DNLZ: variants seen among roughly 807,000 people sequenced by gnomAD.
The protein encoded by DNLZ is DNL-type zinc finger protein.
A neutral mutation model predicts 7.8 loss-of-function variants in DNLZ; 15 were observed. That is an observed-to-expected ratio of 1.91 (90% CI 1.28 to 2.95). DNLZ has a LOEUF of 2.95. Ranked by LOEUF, DNLZ falls within the 30% of genes most tolerant of loss-of-function variation. The pLI is 0.00. For synonymous variants in DNLZ, 123 were observed against 77.8 expected, an observed-to-expected ratio of 1.58 and a Z score of -3.05; for missense variants, 255 against 167.3, an observed-to-expected ratio of 1.52 and a Z score of -2.89.
At chr9:136,362,911 A>G in intron 2 of DNLZ, 78 bp downstream of exon 2, 1 of 1,411,562 alleles carries the variant, frequency 7.1e-7, no homozygotes, top group East Asian at 2.3e-5. Flanking sequence ...AAACCTCAAC[A>G]CTAGGGCAAG....
chr9:136,362,218 C>A (rs1320979390), intron 2 of DNLZ, 38 bp from the exon 3 acceptor site: 1 of 1,446,402 alleles, frequency 6.9e-7, no homozygotes, highest in South Asian at 1.5e-5. Flanking sequence ...TTCAGGGCCC[C>A]CCAGCCGCCC....
At chr9:136,362,912 C>G (rs1400659968) in intron 2 of DNLZ, 77 bp downstream of exon 2, 14 of 1,420,586 alleles carry the variant, frequency 9.9e-6, no homozygotes, top group Non-Finnish European at 1.4e-5. Context: ...AACCTCAACA[C>G]TAGGGCAAGG....
At position 136,360,862 on chromosome 9, in the gene DNLZ, AG is replaced by A. The variant is rs1240168641; in HGVS notation, c.*1149del. The A allele has an allele frequency of 6.6e-6, 1 of 152,236 alleles. No individual in the cohort carries two copies. Among genetic ancestry groups the A allele is most frequent in the African/African-American group, 2.4e-5 (1 of 41,438 alleles). 9.4% of individuals were successfully genotyped at this position (152,236 alleles called of 1,614,324 possible). A position where few individuals can be genotyped will look rare whatever the true frequency, so the allele number is the denominator to read the frequency against. On this transcript the variant is annotated 3_prime_UTR_variant, in exon 3 of 3. Transcript: ENST00000371738. ...CCTGGACCTCCCCACATGCTGGTCCAGGCCCTCTGGAGGCAGTGAGGCAGCC... is the reference window on the plus strand; with the variant it reads ...CCTGGACCTCCCCACATGCTGGTCCAGCCCTCTGGAGGCAGTGAGGCAGCC...
chr9:136,363,251 G>C (rs1012255068), intron 1 of DNLZ, 123 bp from the exon 2 acceptor site: 2 of 1,189,948 alleles, frequency 1.7e-6, no homozygotes, highest in African/African-American at 3.0e-5. Context: ...GCCCCCGAGG[G>C]ATAGCTCCAC....
chr9:136,362,459 C>T (rs557397495), intron 2 of DNLZ, among the ~76,000 whole-genome samples: 30 of 152,304 alleles, frequency 2.0e-4, no homozygotes, highest in African/African-American at 6.5e-4. Flanking sequence ...GAGGACAGTC[C>T]CAGCTCCAAG....
chr9:136,362,960 C>T, intron 2 of DNLZ, 29 bp downstream of exon 2: 1 of 1,611,200 alleles, frequency 6.2e-7, no homozygotes, highest in Non-Finnish European at 8.5e-7. Flanking sequence ...GGGTGGCCTT[C>T]TGGCCCAGCC....
chr9:136,362,219 C>A (rs763834060), intron 2 of DNLZ, 39 bp from the exon 3 acceptor site: 2 of 1,445,208 alleles, frequency 1.4e-6, no homozygotes, highest in Non-Finnish European at 1.8e-6. Flanking sequence ...TCAGGGCCCC[C>A]CAGCCGCCCT....
rs915572878 is a variant in DNLZ, at chr9:136,360,476, G to T, written c.*1536C>A. The T allele has an allele frequency of 6.6e-6, 1 of 152,092 alleles. No homozygotes were observed. The highest frequency in any genetic ancestry group is 2.4e-5 in the African/African-American group (1 of 41,380). The allele number at this position is 152,092 out of a possible 1,614,324, so 9.4% of individuals were successfully genotyped here. On this transcript the variant is annotated 3_prime_UTR_variant, in exon 3 of 3. Coordinates refer to ENST00000371738, the MANE Select transcript of DNLZ (RefSeq NM_001080849.3). ...GGGAGGCAGGGATGTCCTGGGGCGGGGGGGTGTAGAGTGGCAGGAGATTAG... is the reference window on the plus strand; with the variant it reads ...GGGAGGCAGGGATGTCCTGGGGCGGTGGGGTGTAGAGTGGCAGGAGATTAG...
rs906129509 is a variant in DNLZ at position 136,363,363 on chromosome 9, G to A, written c.228+124C>T. 3.4e-4 allele frequency: 249 copies of A among 726,564 alleles called. 1 individual carries two copies. In the East Asian group the frequency reaches 6.1e-3, roughly 18 times the overall value. The allele number at this position is 726,564 out of a possible 1,614,324, so 45.0% of individuals were successfully genotyped here. A position where few individuals can be genotyped will look rare whatever the true frequency, so the allele number is the denominator to read the frequency against. ...CTCCCTCCCAGAAGCCCCAAGGGGT[G>A]GCTCCACTCCTTCCTGTGACTTGAC... On this transcript the variant is annotated intron_variant, in intron 1 of 2. Transcript: ENST00000371738.
chr9:136,363,735 G>GCCCTGCCCCGC lies in DNLZ; in HGVS notation c.-22_-21insGCGGGGCAGGG. 2.3e-6 allele frequency: 1 copy of GCCCTGCCCCGC among 428,496 alleles called. No individual in the cohort carries two copies. Among genetic ancestry groups the GCCCTGCCCCGC allele is most frequent in the South Asian group, 2.8e-5 (1 of 35,860 alleles). 26.5% of individuals were successfully genotyped at this position (428,496 alleles called of 1,614,324 possible). A position where few individuals can be genotyped will look rare whatever the true frequency, so the allele number is the denominator to read the frequency against. ...AGCATCCCGCTCGCCGGCTCCGTCC[G>GCCCTGCCCCGC]CCCTGCCCCGGCCCCGCCCCGCCGC... On this transcript the variant is annotated 5_prime_UTR_variant, in exon 1 of 3. Transcript: ENST00000371738.
At position 136,360,673 on chromosome 9, in the gene DNLZ, C is replaced by T. The variant is rs1052459879; in HGVS notation, c.*1339G>A. On this transcript the variant is annotated 3_prime_UTR_variant, in exon 3 of 3. Coordinates refer to ENST00000371738, the MANE Select transcript of DNLZ (RefSeq NM_001080849.3). ...AACGTGCCAGCCTTGGGAAGGATTT[C>T]CCTCCAGGGCCAGCCTGGGCCCAGA... 6.6e-6 allele frequency: 1 copy of T among 152,116 alleles called. No individual in the cohort carries two copies. The highest frequency in any genetic ancestry group is 1.5e-5 in the Non-Finnish European group (1 of 68,004). 9.4% of individuals were successfully genotyped at this position (152,116 alleles called of 1,614,324 possible).
intron 2 of DNLZ, among the ~76,000 whole-genome samples, chr9:136,362,517 C>T (rs968715898): frequency 6.6e-6 from 1 of 152,208 alleles, no homozygotes; most frequent in Non-Finnish European, 1.5e-5. Flanking sequence ...GACCTGCTGT[C>T]GCTGTTACTG....
Position 136,363,044 on chromosome 9 carries a change from T to C in DNLZ, c.313A>G (p.Asn105Asp). The C allele has an allele frequency of 1.2e-6, 2 of 1,613,804 alleles. No homozygotes were observed. The highest frequency in any genetic ancestry group is 1.7e-6 in the Non-Finnish European group (2 of 1,179,976). ...VVIVTCPGCQ[N>D]HHIIADNLGW... ...AGGTTGTCAGCGATGATATGGTGGTTCTGGCAGCCGGGGCAGGTCACAATG... is the reference window on the plus strand; with the variant it reads ...AGGTTGTCAGCGATGATATGGTGGTCCTGGCAGCCGGGGCAGGTCACAATG... Residue 105 changes from asparagine to aspartate, a missense_variant, in exon 2 of 3, where the codon AAC (asparagine) becomes GAC (aspartate). By Grantham distance (23) the Asn-to-Asp change is conservative. Coordinates refer to ENST00000371738, the MANE Select transcript of DNLZ (RefSeq NM_001080849.3).
chr9:136,363,366 T>A, intron 1 of DNLZ, 121 bp downstream of exon 1: 1 of 728,820 alleles, frequency 1.4e-6, no homozygotes, highest in South Asian at 1.4e-5. Flanking sequence ...AAGGGGTGGC[T>A]CCACTCCTTC....
Position 136,360,377 on chromosome 9 carries a change from C to T in DNLZ, c.*1635G>A, listed in dbSNP as rs1832961241. The stretch of plus-strand genomic sequence containing the variant: ...CGCCCACGCTACTGGCTGGGACAGC[C>T]TCTGAAGGTGCGGCCGAGGAACCTG... On this transcript the variant is annotated 3_prime_UTR_variant, in exon 3 of 3. Coordinates refer to ENST00000371738, the MANE Select transcript of DNLZ (RefSeq NM_001080849.3). 1 of 152,332 alleles carries T rather than the reference C, an allele frequency of 6.6e-6. No homozygotes were observed. Among genetic ancestry groups the T allele is most frequent in the Non-Finnish European group, 1.5e-5 (1 of 68,122 alleles). The allele number at this position is 152,332 out of a possible 1,614,324, so 9.4% of individuals were successfully genotyped here.
rs1833031237 is a variant in DNLZ at position 136,363,695 on chromosome 9, C to T, written c.20G>A (p.Arg7His). The change falls in exon 1 of 3, where the codon CGC (arginine) becomes CAC (histidine). Residue 7 changes from arginine (R) to histidine (H), a missense_variant. Arg to His is a conservative substitution (Grantham distance 29). Transcript: ENST00000371738. MLRTAL[R>H]GAPRLLSRVQ... ...GCGACTCAGCAACCTCGGCGCGCCG[C>T]GCAGCGCAGTCCGCAGCATCCCGCT... 5 of 441,582 alleles carry T rather than the reference C, an allele frequency of 1.1e-5. No homozygotes were observed. Among genetic ancestry groups the T allele is most frequent in the African/African-American group, 2.1e-5 (1 of 47,498 alleles). The allele number at this position is 441,582 out of a possible 1,614,324, so 27.4% of individuals were successfully genotyped here. A position where few individuals can be genotyped will look rare whatever the true frequency, so the allele number is the denominator to read the frequency against.
In DNLZ at chr9:136,362,185, G is replaced by C; in HGVS notation, c.369-5C>G. On this transcript the variant is annotated splice_region_variant and splice_polypyrimidine_tract_variant and intron_variant, in intron 2 of 2. Coordinates refer to ENST00000371738, the MANE Select transcript of DNLZ (RefSeq NM_001080849.3). Reference sequence around the variant, plus strand: ...GTCAGGATCTCTTCGATATTTCTGGGGGGCAGGGAGGCAACATGGCTCTTC... The same window carrying C: ...GTCAGGATCTCTTCGATATTTCTGGCGGGCAGGGAGGCAACATGGCTCTTC... 6.8e-7 allele frequency: 1 copy of C among 1,480,320 alleles called. No homozygotes were observed. The highest frequency in any genetic ancestry group is 8.9e-7 in the Non-Finnish European group (1 of 1,118,670). The allele number at this position is 1,480,320 out of a possible 1,614,324, so 91.7% of individuals were successfully genotyped here.
In DNLZ at chr9:136,362,073, GC is replaced by G; in HGVS notation, c.475del (p.Ala159GlnfsTer131). The G allele has an allele frequency of 6.9e-7, 1 of 1,444,510 alleles. No homozygotes were observed. Among genetic ancestry groups the G allele is most frequent in the Non-Finnish European group, 9.1e-7 (1 of 1,092,940 alleles). The allele number at this position is 1,444,510 out of a possible 1,614,324, so 89.5% of individuals were successfully genotyped here. ...LEAAGAPTSTAAPEAGEDEGP... is the reference protein window; with the variant it reads ...LEAAGAPTSTXAPEAGEDEGP... ...CTCATCCTCACCCGCTTCCGGAGCT[GC>G]AGTGGATGTGGGGGCCCCTGCAGCC... On this transcript the variant is annotated frameshift_variant, in exon 3 of 3. Coordinates refer to ENST00000371738, the MANE Select transcript of DNLZ (RefSeq NM_001080849.3). LOFTEE classifies it low-confidence loss of function (END_TRUNC).
At position 136,360,479 on chromosome 9, in the gene DNLZ, G is replaced by GC. The variant is rs1832963103; in HGVS notation, c.*1532_*1533insG. ...AGGCAGGGATGTCCTGGGGCGGGGG[G>GC]GTGTAGAGTGGCAGGAGATTAGGAT... On this transcript the variant is annotated 3_prime_UTR_variant, in exon 3 of 3. Coordinates refer to ENST00000371738, the MANE Select transcript of DNLZ (RefSeq NM_001080849.3). 6.6e-6 allele frequency: 1 copy of GC among 152,086 alleles called. No individual in the cohort carries two copies. The allele number at this position is 152,086 out of a possible 1,614,324, so 9.4% of individuals were successfully genotyped here.
Sources: gnomAD v4.1 joint callset for allele counts (sites outside exome capture counted in the v4.1 genomes callset) on GRCh38, gnomAD v4.1.1 for gene constraint, MANE v1.5 for transcripts, NCBI Gene and HGNC (gene_info 2026-07-23, HGNC 2026-07-21) for gene names.